Variants in CCDC171 observed in about 807,000 individuals in gnomAD.
CCDC171 encodes the protein coiled-coil domain-containing protein 171.
In CCDC171, 177 loss-of-function variants were observed where a neutral mutation model predicts 168.2. That is an observed-to-expected ratio of 1.05 (90% CI 0.93 to 1.19). The LOEUF is 1.19. CCDC171 is among the 50% of genes most tolerant of loss of function. CCDC171 has a pLI of 0.00. For missense variants in CCDC171, 1,991 were observed against 1,539.0 expected, an observed-to-expected ratio of 1.29 and a Z score of -4.91; for synonymous variants, 687 against 540.8, an observed-to-expected ratio of 1.27 and a Z score of -3.75.
At chr9:15,796,195 A>G (rs1469486334) in intron 21 of CCDC171, among the ~76,000 whole-genome samples, 2 of 152,236 alleles carry the variant, frequency 1.3e-5, no homozygotes, top group Non-Finnish European at 2.9e-5. Flanking sequence ...ATGAAAATAT[A>G]GTCATGGAGA....
chr9:15,801,275 C>G (rs996633538), intron 21 of CCDC171, among the ~76,000 whole-genome samples: 2 of 151,868 alleles, frequency 1.3e-5, no homozygotes, highest in African/African-American at 2.4e-5. Flanking sequence ...TTTTTGCACT[C>G]TTTTCCATTC....
At chr9:15,827,196 G>A (rs754734693) in intron 21 of CCDC171, among the ~76,000 whole-genome samples, 23 of 152,268 alleles carry the variant, frequency 1.5e-4, no homozygotes, top group Non-Finnish European at 2.4e-4. Flanking sequence ...TTTGTTTTAT[G>A]AAATAAATAC....
intron 23 of CCDC171, among the ~76,000 whole-genome samples, chr9:15,851,527 C>G (rs551088291): frequency 6.6e-6 from 1 of 151,630 alleles, no homozygotes; most frequent in Non-Finnish European, 1.5e-5. Flanking sequence ...TTAAAACACA[C>G]CCTTCTCTCT....
chr9:15,617,417 C>T (rs1410735268), intron 6 of CCDC171, among the ~76,000 whole-genome samples: 2 of 149,904 alleles, frequency 1.3e-5, no homozygotes, highest in African/African-American at 4.9e-5. Flanking sequence ...TGCGCTGTCA[C>T]CCAGGCTGGA....
intron 10 of CCDC171, among the ~76,000 whole-genome samples, chr9:15,690,715 A>G (rs1284112843): frequency 6.6e-6 from 1 of 152,182 alleles, no homozygotes; most frequent in African/African-American, 2.4e-5. Flanking sequence ...CAGATGGCAA[A>G]TAGAAATGAG....
chr9:15,912,530 AC>A (rs1425048976), intron 24 of CCDC171, among the ~76,000 whole-genome samples: 13 of 151,774 alleles, frequency 8.6e-5, no homozygotes, highest in Admixed American at 8.5e-4. Flanking sequence ...CTATTTGAAT[AC>A]CCTTTATTTC....
At chr9:15,814,690 A>G (rs1421657181) in intron 21 of CCDC171, among the ~76,000 whole-genome samples, 1 of 152,038 alleles carries the variant, frequency 6.6e-6, no homozygotes, top group South Asian at 2.1e-4. Context: ...TTATATATAG[A>G]AAATTTAAAA....
chr9:15,622,477 G>A (rs1263142892), intron 6 of CCDC171, among the ~76,000 whole-genome samples: 4 of 152,116 alleles, frequency 2.6e-5, no homozygotes, highest in African/African-American at 4.8e-5. Context: ...ATTCTTGGAA[G>A]CATATATAAA....
intron 6 of CCDC171, among the ~76,000 whole-genome samples, chr9:15,617,983 G>C (rs1231277662): frequency 6.6e-6 from 1 of 152,066 alleles, no homozygotes; most frequent in South Asian, 2.1e-4. Flanking sequence ...AGGCAGGGGG[G>C]TCAGGGACCC....
Position 15,874,567 on chromosome 9 carries a change from A to C in CCDC171, c.3504A>C (p.Ala1168=), listed in dbSNP as rs762249388. ...AGATCTCGCTGTCATGGTCTGCGGC[A>C]AGTAGGAATGACTTCACCCTACAGC... ...RDQISLSWSA[A]SRNDFTLQLP... is the part of the protein sequence containing the mutation. Residue 1168 remains alanine (A), a synonymous_variant, in exon 24 of 26, where the codon GCA becomes GCC. Coordinates refer to ENST00000380701, the MANE Select transcript of CCDC171 (RefSeq NM_173550.4). The C allele has an allele frequency of 6.2e-7, 1 of 1,607,832 alleles. No homozygotes were observed. The highest frequency in any genetic ancestry group is 8.5e-7 in the Non-Finnish European group (1 of 1,177,244).
At position 15,584,385 on chromosome 9, in the gene CCDC171, G is replaced by T. The variant is rs191478880; in HGVS notation, c.352+5362G>T. On this transcript the variant is annotated intron_variant, in intron 4 of 25. Transcript: ENST00000380701. ...TTTAACAAAGTTTTAGATGACATGGGAGCCTCCAGATATGAAGACGCAAAG... is the reference window on the plus strand; with the variant it reads ...TTTAACAAAGTTTTAGATGACATGGTAGCCTCCAGATATGAAGACGCAAAG... 2.6e-5 allele frequency among the ~76,000 whole-genome samples: 4 copies of T among 152,296 alleles called. No individual in the cohort carries two copies. The East Asian group carries it at 7.7e-4, about 29-fold the overall frequency.
intron 25 of CCDC171, among the ~76,000 whole-genome samples, chr9:15,945,317 G>A (rs1357636317): frequency 7.5e-5 from 11 of 147,050 alleles, no homozygotes; most frequent in African/African-American, 2.7e-4. Flanking sequence ...CTTTGCTATT[G>A]TGAATAATGC....
intron 7 of CCDC171, among the ~76,000 whole-genome samples, chr9:15,632,567 A>G (rs1329295927): frequency 6.6e-6 from 1 of 152,186 alleles, no homozygotes; most frequent in Non-Finnish European, 1.5e-5. Context: ...GGGTAGGAAG[A>G]ATCAATATCG....
intron 16 of CCDC171, among the ~76,000 whole-genome samples, chr9:15,743,138 C>CTTTTTTTTTTTTT (rs66642691): frequency 5.5e-5 from 4 of 73,264 alleles, no homozygotes; most frequent in African/African-American, 5.7e-5. Flanking sequence ...CTGTTACCTT[C>CTTTTTTTTTTTTT]TTTTTTTTTT....
chr9:15,623,324 C>G lies in CCDC171; in HGVS notation c.733C>G (p.His245Asp). 1 of 1,608,814 alleles carries G rather than the reference C, an allele frequency of 6.2e-7. No homozygotes were observed. Among genetic ancestry groups the G allele is most frequent in the African/African-American group, 1.3e-5 (1 of 74,944 alleles). Residue 245 changes from histidine (H) to aspartate (D), a missense_variant, in exon 7 of 26, where the codon CAT (histidine) becomes GAT (aspartate). Coordinates refer to ENST00000380701, the MANE Select transcript of CCDC171 (RefSeq NM_173550.4). ...HKKVEKLETE[H>D]MDCSDLLRRQ... ...GAAAGTAGAAAAATTAGAAACAGAA[C>G]ATATGGACTGCTCTGACCTTTTACG... is the stretch of plus-strand genomic sequence containing the variant.
intron 1 of CCDC171, among the ~76,000 whole-genome samples, chr9:15,556,361 G>A (rs1449430037): frequency 2.6e-5 from 4 of 152,166 alleles, no homozygotes; most frequent in African/African-American, 2.4e-5. Context: ...CACCAACGGT[G>A]TAAAAGTGTT....
At chr9:15,689,778 A>G (rs745773574) in intron 10 of CCDC171, among the ~76,000 whole-genome samples, 23 of 152,178 alleles carry the variant, frequency 1.5e-4, no homozygotes, top group Non-Finnish European at 2.9e-4. Context: ...TTGGAGTAGT[A>G]ACACGTTCCA....
chr9:15,607,174 A>ACC (rs1200545631), intron 6 of CCDC171, among the ~76,000 whole-genome samples: 1 of 152,178 alleles, frequency 6.6e-6, no homozygotes, highest in Non-Finnish European at 1.5e-5. Context: ...GCCCAATATA[A>ACC]CCCAGCAATA....
chr9:15,626,651 C>G (rs2045144553), intron 7 of CCDC171, among the ~76,000 whole-genome samples: 1 of 152,150 alleles, frequency 6.6e-6, no homozygotes, highest in Non-Finnish European at 1.5e-5. Context: ...GCTTTGCATC[C>G]CAGGGATGAA....
Sources: allele counts gnomAD v4.1 joint callset (sites outside exome capture counted in the v4.1 genomes callset), GRCh38; gene constraint gnomAD v4.1.1; transcripts MANE v1.5; gene names NCBI Gene and HGNC (gene_info 2026-07-23, HGNC 2026-07-21).